ST8SIA4: variants seen among roughly 807,000 people sequenced by gnomAD.
ST8SIA4 encodes the protein CMP-N-acetylneuraminate-poly-alpha-2,8-sialyltransferase.
ST8SIA4 carries 15 observed loss-of-function variants against 33.9 expected under a neutral mutation model. The observed-to-expected ratio is 0.44, with a 90% CI of 0.30 to 0.68. The LOEUF (loss-of-function observed/expected upper bound fraction) is 0.68, where lower values mean the gene tolerates loss of function less well. ST8SIA4 is among the 30% of genes least tolerant of loss of function. The probability of loss-of-function intolerance (pLI) is 0.10; values close to 1 mark genes in which losing one functional copy is unlikely to be tolerated. For missense variants in ST8SIA4, 321 were observed against 428.0 expected (o/e 0.75, Z 2.21); for synonymous variants, 171 against 151.2 (o/e 1.13, Z -0.96).
chr5:100,855,583 T>G (rs1751796477), intron 4 of ST8SIA4, among the ~76,000 whole-genome samples: 5 of 152,204 alleles, frequency 3.3e-5, no homozygotes, highest in Admixed American at 3.3e-4. Flanking sequence ...CTTGTGTTAA[T>G]AAAAGGGAAA....
At chr5:100,870,853 A>C (rs1000043658) in intron 3 of ST8SIA4, among the ~76,000 whole-genome samples, 2 of 152,160 alleles carry the variant, frequency 1.3e-5, no homozygotes, top group Admixed American at 6.5e-5. Flanking sequence ...CAAAAATCAC[A>C]ATTTAATTAG....
chr5:100,902,774 C>A (rs1480674107), intron 1 of ST8SIA4, 69 bp downstream of exon 1: 23 of 1,299,116 alleles, frequency 1.8e-5, no homozygotes, highest in Non-Finnish European at 2.6e-5. Context: ...CATCACTCTA[C>A]CCTCTATATT....
chr5:100,890,493 A>G (rs1466614267), intron 2 of ST8SIA4: 1 of 151,930 alleles, frequency 6.6e-6, no homozygotes, highest in East Asian at 1.9e-4. Context: ...AGAGGTAGAA[A>G]GAAAACTGGC....
intron 3 of ST8SIA4, among the ~76,000 whole-genome samples, chr5:100,876,491 T>C (rs1307758552): frequency 1.3e-5 from 2 of 152,086 alleles, no homozygotes; most frequent in Non-Finnish European, 2.9e-5. Context: ...AAACCTTTCT[T>C]ATCAGAGGGT....
At chr5:100,880,353 G>A (rs1752391467) in intron 3 of ST8SIA4, among the ~76,000 whole-genome samples, 1 of 152,150 alleles carries the variant, frequency 6.6e-6, no homozygotes, top group South Asian at 2.1e-4. Flanking sequence ...GGTGACAGTG[G>A]TAGGGGGTGT....
intron 3 of ST8SIA4, among the ~76,000 whole-genome samples, chr5:100,882,399 T>C (rs1752445326): frequency 6.6e-6 from 1 of 152,188 alleles, no homozygotes; most frequent in African/African-American, 2.4e-5. Flanking sequence ...AAGAGGTGAC[T>C]TGGGTGCTGT....
chr5:100,864,890 T>C (rs535590826), intron 3 of ST8SIA4, among the ~76,000 whole-genome samples: 109 of 152,340 alleles, frequency 7.2e-4, no homozygotes, highest in African/African-American at 2.6e-3. Context: ...GACATTTGCA[T>C]AGTGTTTCTT....
At chr5:100,833,550 A>G (rs1387403244) in intron 4 of ST8SIA4, among the ~76,000 whole-genome samples, 1 of 152,138 alleles carries the variant, frequency 6.6e-6, no homozygotes, top group African/African-American at 2.4e-5. Flanking sequence ...AAGTTACTTA[A>G]CTAATTCATT....
rs1332003206 is a variant in ST8SIA4, at chr5:100,885,387, G to T, written c.503+956C>A. 3.1e-6 allele frequency: 3 copies of T among 965,034 alleles called. No individual in the cohort carries two copies. In the Admixed American group the frequency reaches 1.9e-4, roughly 60 times the overall value. The allele number at this position is 965,034 out of a possible 1,614,324, so 59.8% of individuals were successfully genotyped here. A position where few individuals can be genotyped will look rare whatever the true frequency, so the allele number is the denominator to read the frequency against. On this transcript the variant is annotated intron_variant, in intron 3 of 4. Coordinates refer to ENST00000231461, the MANE Select transcript of ST8SIA4 (RefSeq NM_005668.6). The stretch of plus-strand genomic sequence containing the variant: ...ATAATGCTTGAGTGTGATTTCTCAT[G>T]ACTTTTTTTTTAAAAGTAGTTACCT...
chr5:100,901,052 T>C (rs1752898725), intron 1 of ST8SIA4, among the ~76,000 whole-genome samples: 1 of 152,224 alleles, frequency 6.6e-6, no homozygotes, highest in Non-Finnish European at 1.5e-5. Flanking sequence ...CTCCTCTTCC[T>C]TAACGCCTAG....
intron 4 of ST8SIA4, among the ~76,000 whole-genome samples, chr5:100,844,943 C>T (rs926041671): frequency 2.6e-5 from 4 of 152,060 alleles, no homozygotes; most frequent in Non-Finnish European, 5.9e-5. Context: ...ATATGGCACA[C>T]TAGTCTCTGA....
intron 4 of ST8SIA4, among the ~76,000 whole-genome samples, chr5:100,831,253 G>A (rs1751251942): frequency 6.6e-6 from 1 of 152,160 alleles, no homozygotes; most frequent in Non-Finnish European, 1.5e-5. Context: ...AGGCCCAGAT[G>A]AGAAAAGACA....
intron 4 of ST8SIA4, among the ~76,000 whole-genome samples, chr5:100,855,697 A>C (rs1356763809): frequency 6.6e-6 from 1 of 152,226 alleles, no homozygotes; most frequent in Non-Finnish European, 1.5e-5. Flanking sequence ...TCTTGGCTAC[A>C]GATGGGACTT....
At chr5:100,865,731 A>G (rs1752047796) in intron 3 of ST8SIA4, among the ~76,000 whole-genome samples, 2 of 151,992 alleles carry the variant, frequency 1.3e-5, no homozygotes, top group South Asian at 2.1e-4. Context: ...CACACTCCCT[A>G]TTGTATTCCC....
chr5:100,826,494 A>G (rs868234492), intron 4 of ST8SIA4, among the ~76,000 whole-genome samples: 3 of 152,188 alleles, frequency 2.0e-5, no homozygotes, highest in South Asian at 2.1e-4. Flanking sequence ...AAAAAATACG[A>G]AAACAAAAAT....
At chr5:100,872,993 C>T (rs1303281436) in intron 3 of ST8SIA4, among the ~76,000 whole-genome samples, 1 of 151,904 alleles carries the variant, frequency 6.6e-6, no homozygotes, top group East Asian at 1.9e-4. Flanking sequence ...ACACTGTAAT[C>T]AAATGAACAT....
At chr5:100,896,625 A>G (rs547241868) in intron 1 of ST8SIA4, among the ~76,000 whole-genome samples, 28 of 152,270 alleles carry the variant, frequency 1.8e-4, no homozygotes, top group African/African-American at 6.3e-4. Flanking sequence ...TGGATATGCT[A>G]ATTAGCCTGA....
At chr5:100,886,029 A>G (rs1345100757) in intron 3 of ST8SIA4, 2 of 1,072,638 alleles carry the variant, frequency 1.9e-6, no homozygotes, top group African/African-American at 1.7e-5. Context: ...GAGTATGAAG[A>G]AGAGATACTA....
Position 100,903,154 on chromosome 5 carries a change from T to A in ST8SIA4, c.-199A>T, listed in dbSNP as rs1752963587. 1.7e-6 allele frequency: 1 copy of A among 580,310 alleles called. No homozygotes were observed. The highest frequency in any genetic ancestry group is 2.9e-5 in the East Asian group (1 of 34,592). 35.9% of individuals were successfully genotyped at this position (580,310 alleles called of 1,614,324 possible). The stretch of plus-strand genomic sequence containing the variant: ...TCCTCGAACGCTGCCCAGCGACCTC[T>A]CGCCCTGTTTGCGCCAGCTCTGCCA... On this transcript the variant is annotated 5_prime_UTR_variant, in exon 1 of 5. It introduces an in-frame stop codon into an upstream open reading frame of the 5' UTR. Transcript: ENST00000231461.
Sources: gnomAD v4.1 joint callset for allele counts (sites outside exome capture counted in the v4.1 genomes callset) on GRCh38, gnomAD v4.1.1 for gene constraint, MANE v1.5 for transcripts, NCBI Gene and HGNC (gene_info 2026-07-23, HGNC 2026-07-21) for gene names.